The following PITPNC1 variants were observed in gnomAD, a reference collection of about 807,000 sequenced individuals.
PITPNC1 encodes cytoplasmic phosphatidylinositol transfer protein 1.
Under a neutral mutation model 44.7 loss-of-function variants are expected in PITPNC1, and 18 were observed. The observed-to-expected ratio is 0.40, with a 90% CI of 0.28 to 0.60. The LOEUF (loss-of-function observed/expected upper bound fraction) is 0.60, where lower values mean the gene tolerates loss of function less well. Among genes scored for constraint, PITPNC1 ranks in the 20% least tolerant of loss-of-function variants. The pLI is 0.39. For missense variants in PITPNC1, 290 were observed against 418.4 expected, an observed-to-expected ratio of 0.69 and a Z score of 2.68; for synonymous variants, 141 against 149.6, an observed-to-expected ratio of 0.94 and a Z score of 0.42.
At chr17:67,467,590 T>C (rs949272897) in intron 1 of PITPNC1, among the ~76,000 whole-genome samples, 10 of 152,216 alleles carry the variant, frequency 6.6e-5, no homozygotes, top group Non-Finnish European at 1.5e-5. Context: ...TATACTAACA[T>C]GTCCCTTTAG....
chr17:67,607,225 T>C (rs2041619371), intron 5 of PITPNC1, among the ~76,000 whole-genome samples: 1 of 152,064 alleles, frequency 6.6e-6, no homozygotes, highest in Admixed American at 6.6e-5. Flanking sequence ...TTGTGCAAGA[T>C]GGTGCTTTTC....
intron 1 of PITPNC1, among the ~76,000 whole-genome samples, chr17:67,453,660 A>G (rs1186391020): frequency 1.3e-5 from 2 of 152,212 alleles, no homozygotes; most frequent in African/African-American, 2.4e-5. Context: ...GACAGACAAA[A>G]CAAATTTCCA....
intron 1 of PITPNC1, among the ~76,000 whole-genome samples, chr17:67,430,475 A>G (rs1235025554): frequency 6.9e-6 from 1 of 144,916 alleles, no homozygotes; most frequent in Non-Finnish European, 1.6e-5. Flanking sequence ...GTGACAGAAC[A>G]AGACTCTGTC....
At chr17:67,649,615 T>C (rs2042187653) in intron 6 of PITPNC1, among the ~76,000 whole-genome samples, 1 of 152,016 alleles carries the variant, frequency 6.6e-6, no homozygotes. Context: ...CCGGGCACAG[T>C]GGCTCATTCC....
chr17:67,499,062 C>T (rs2039994002), intron 1 of PITPNC1, among the ~76,000 whole-genome samples: 1 of 151,790 alleles, frequency 6.6e-6, no homozygotes, highest in Non-Finnish European at 1.5e-5. Context: ...TTAACAGAGA[C>T]AGAGTTTCAC....
chr17:67,478,886 C>CT (rs1016034251), intron 1 of PITPNC1, among the ~76,000 whole-genome samples: 77 of 145,954 alleles, frequency 5.3e-4, no homozygotes, highest in South Asian at 1.3e-3. Flanking sequence ...TTTCTTCAAT[C>CT]TTTTTTTTTT....
intron 6 of PITPNC1, among the ~76,000 whole-genome samples, chr17:67,652,947 AG>A: frequency 6.6e-6 from 1 of 152,196 alleles, no homozygotes; most frequent in South Asian, 2.1e-4. Flanking sequence ...TGAGATCATT[AG>A]GGGGACCCTA....
At chr17:67,527,236 C>T (rs542215853) in intron 1 of PITPNC1, among the ~76,000 whole-genome samples, 95 of 152,194 alleles carry the variant, frequency 6.2e-4, no homozygotes, top group Admixed American at 1.6e-3. Context: ...AAGCATTTAA[C>T]TTGGTAAAGA....
chr17:67,615,516 A>G (rs2041746729), intron 5 of PITPNC1, among the ~76,000 whole-genome samples: 1 of 152,066 alleles, frequency 6.6e-6, no homozygotes, highest in Non-Finnish European at 1.5e-5. Flanking sequence ...TCAGTATTTC[A>G]TTCTCTTGAG....
intron 2 of PITPNC1, among the ~76,000 whole-genome samples, chr17:67,542,737 T>C (rs539579295): frequency 1.3e-5 from 2 of 152,340 alleles, no homozygotes; most frequent in East Asian, 3.9e-4. Context: ...GTGAGTGGAT[T>C]CTCTTCCTTA....
rs571626721 is a variant in PITPNC1 at position 67,497,631 on chromosome 17, G to A, written c.49-35171G>A. 5.3e-4 allele frequency among the ~76,000 whole-genome samples: 78 copies of A among 147,208 alleles called. 1 individual carries two copies. Among genetic ancestry groups the A allele is most frequent in the African/African-American group, 1.9e-3 (74 of 39,992 alleles). On this transcript the variant is annotated intron_variant, in intron 1 of 8. Coordinates refer to ENST00000581322, the MANE Select transcript of PITPNC1 (RefSeq NM_012417.4). ...CAGTCTCGACCTCCTAGGCTCAAGC[G>A]AACCTCCCATCTCATCCTCCTGAAT...
intron 5 of PITPNC1, among the ~76,000 whole-genome samples, chr17:67,599,034 A>ATATATATATATATATATTTT (rs1461493250): frequency 5.6e-5 from 2 of 35,676 alleles, no homozygotes; most frequent in African/African-American, 1.1e-4. Flanking sequence ...ATATATATAT[A>ATATATATATATATATATTTT]TTTTTTTTTT....
chr17:67,384,676 C>T (rs1330359226), intron 1 of PITPNC1, among the ~76,000 whole-genome samples: 1 of 152,220 alleles, frequency 6.6e-6, no homozygotes, highest in Non-Finnish European at 1.5e-5. Context: ...CTGCCCGCCT[C>T]GGCCTCCCAA....
At chr17:67,501,848 G>A (rs1261392507) in intron 1 of PITPNC1, among the ~76,000 whole-genome samples, 1 of 151,552 alleles carries the variant, frequency 6.6e-6, no homozygotes, top group Non-Finnish European at 1.5e-5. Context: ...AAAAAAAAAA[G>A]TTTGAGGGAA....
rs139291590 is a variant in PITPNC1, at chr17:67,412,715, C to T, written c.48+34513C>T. ...CCGAGAAGCTGGGATTACAGGCGCC[C>T]ACCACCACGCCTGGCTAATTTAGTA... is the stretch of plus-strand genomic sequence containing the variant. On this transcript the variant is annotated intron_variant, in intron 1 of 8. Coordinates refer to ENST00000581322, the MANE Select transcript of PITPNC1 (RefSeq NM_012417.4). Among the ~76,000 whole-genome samples, 996 of 152,110 alleles carry T rather than the reference C, an allele frequency of 6.5e-3. 11 individuals carry two copies. Among genetic ancestry groups the T allele is most frequent in the African/African-American group, 0.022 (900 of 41,496 alleles).
At position 67,532,889 on chromosome 17, in the gene PITPNC1, C is replaced by T; in HGVS notation, c.136C>T (p.Pro46Ser). The change falls in exon 2 of 9, where the codon CCC becomes TCC. Residue 46 changes from proline (P) to serine (S), a missense_variant. Physicochemically the swap from Pro to Ser is moderately conservative, Grantham distance 74 (BLOSUM62 -1). Coordinates refer to ENST00000581322, the MANE Select transcript of PITPNC1 (RefSeq NM_012417.4). ...GEGVEVVQNEPFEDPHHGNGQ... is the reference protein window; with the variant it reads ...GEGVEVVQNESFEDPHHGNGQ... ...AGGGGTGGAGGTCGTCCAGAATGAG[C>T]CCTTTGAGGACCCTCACCATGGCAA... 3 of 1,609,010 alleles carry T rather than the reference C, an allele frequency of 1.9e-6. No individual in the cohort carries two copies. Among genetic ancestry groups the T allele is most frequent in the Non-Finnish European group, 1.7e-6 (2 of 1,177,824 alleles).
At chr17:67,610,644 C>T (rs558086657) in intron 5 of PITPNC1, among the ~76,000 whole-genome samples, 1 of 152,060 alleles carries the variant, frequency 6.6e-6, no homozygotes, top group South Asian at 2.1e-4. Flanking sequence ...AAACATTAGC[C>T]GGGCGTGGTG....
At chr17:67,425,203 G>GCACACACACACACACACACACACACA (rs60705271) in intron 1 of PITPNC1, among the ~76,000 whole-genome samples, 19 of 98,820 alleles carry the variant, frequency 1.9e-4, no homozygotes, top group East Asian at 1.1e-3. Context: ...GCACGCACAC[G>GCACACACACACACACACACACACACA]CACACACACA....
chr17:67,634,544 A>C (rs1035994901), intron 6 of PITPNC1, among the ~76,000 whole-genome samples: 1 of 152,122 alleles, frequency 6.6e-6, no homozygotes, highest in African/African-American at 2.4e-5. Context: ...AAAAAAAAAC[A>C]GCAATGAGCC....
Sources: allele counts gnomAD v4.1 joint callset (sites outside exome capture counted in the v4.1 genomes callset), GRCh38; gene constraint gnomAD v4.1.1; transcripts MANE v1.5; gene names NCBI Gene and HGNC (gene_info 2026-07-23, HGNC 2026-07-21).